Variants in AFF2 observed in about 807,000 individuals in gnomAD.
AFF2 encodes ALF transcription elongation factor 2.
In AFF2, 14 loss-of-function variants were observed where a neutral mutation model predicts 76.9. That is an observed-to-expected ratio of 0.18 (90% CI 0.12 to 0.28). The LOEUF is 0.28. Among genes scored for constraint, AFF2 ranks in the 10% least tolerant of loss-of-function variants. AFF2 has a pLI of 1.00. For synonymous variants in AFF2, 398 were observed against 366.7 expected, an observed-to-expected ratio of 1.09 and a Z score of -0.98; for missense variants, 868 against 1,001.1, an observed-to-expected ratio of 0.87 and a Z score of 1.79.
At chrX:148,667,314 T>A (rs782805257) in intron 3 of AFF2, among the ~76,000 whole-genome samples, 4 of 112,153 alleles carry the variant, frequency 3.6e-5, no homozygotes, top group Non-Finnish European at 5.6e-5. Flanking sequence ...GATAGTAAAC[T>A]CAGGTCCCTT....
intron 1 of AFF2, among the ~76,000 whole-genome samples, chrX:148,567,486 T>C (rs1387609379): frequency 9.0e-6 from 1 of 111,708 alleles, no homozygotes; most frequent in Non-Finnish European, 1.9e-5. Flanking sequence ...CAAGGGTTAT[T>C]TATGGTGACA....
At chrX:148,831,814 C>T (rs1023908570) in intron 4 of AFF2, among the ~76,000 whole-genome samples, 7 of 112,170 alleles carry the variant, frequency 6.2e-5, no homozygotes, top group Non-Finnish European at 9.4e-5. Flanking sequence ...TTTCTGGCTC[C>T]TCACAGAACT....
chrX:148,520,903 T>C (rs782512215), intron 1 of AFF2, among the ~76,000 whole-genome samples: 4 of 112,537 alleles, frequency 3.6e-5, no homozygotes, highest in Non-Finnish European at 7.5e-5. Context: ...TTGTTTATGC[T>C]TACAATTACA....
rs782742162 is a variant in AFF2 at position 148,977,975 on chromosome X, G to A, written c.3447G>A (p.Ser1149=). Residue 1149 remains serine, a synonymous_variant, in exon 17 of 21, where the codon TCG becomes TCA. Transcript: ENST00000370460. The part of the protein sequence containing the change: ...RLKNFASPLA[S]DGDKKLAVLC... Reference sequence around the variant, plus strand: ...AGAACTTTGCAAGTCCCTTGGCTTCGGATGGGGACAAAAAGCTAGCAGTAC... The same window carrying A: ...AGAACTTTGCAAGTCCCTTGGCTTCAGATGGGGACAAAAAGCTAGCAGTAC... The A allele has an allele frequency of 1.8e-5, 22 of 1,204,879 alleles. No individual in the cohort carries two copies. The Middle Eastern group carries it at 1.2e-3, about 63-fold the overall frequency.
At chrX:148,681,702 A>AGAAAGAAAACAAAGAAAGAAG in intron 3 of AFF2, among the ~76,000 whole-genome samples, 1 of 110,757 alleles carries the variant, frequency 9.0e-6, no homozygotes, top group South Asian at 3.8e-4. Context: ...AGAGAAAGAA[A>AGAAAGAAAACAAAGAAAGAAG]GAAAGAAAAC....
At position 148,797,632 on chromosome X, in the gene AFF2, C is replaced by T. The variant is rs138430434; in HGVS notation, c.1042-12244C>T. Among the ~76,000 whole-genome samples the T allele has an allele frequency of 5.9e-3, 657 of 111,923 alleles. 2 individuals are homozygous for T. Among genetic ancestry groups the T allele is most frequent in the African/African-American group, 0.02 (618 of 30,825 alleles). On this transcript the variant is annotated intron_variant, in intron 3 of 20. Coordinates refer to ENST00000370460, the MANE Select transcript of AFF2 (RefSeq NM_002025.4). ...CTGTCTTACTTCCTTGCTTGACCAC[C>T]AGATCCATGGACAGTTTTTCCTTTC...
intron 3 of AFF2, among the ~76,000 whole-genome samples, chrX:148,699,109 C>A (rs188577909): frequency 8.9e-6 from 1 of 111,909 alleles, no homozygotes; most frequent in South Asian, 3.7e-4. Context: ...GGAGTTTGTA[C>A]AGTAGCTGAC....
intron 16 of AFF2, among the ~76,000 whole-genome samples, chrX:148,977,519 T>G (rs1222211765): frequency 1.8e-5 from 2 of 109,892 alleles, no homozygotes; most frequent in Non-Finnish European, 3.8e-5. Flanking sequence ...TGTCATAAAC[T>G]GAACTGAAAC....
At chrX:148,776,226 A>G (rs1233537747) in intron 3 of AFF2, among the ~76,000 whole-genome samples, 2 of 112,049 alleles carry the variant, frequency 1.8e-5, no homozygotes, top group African/African-American at 6.5e-5. Flanking sequence ...TCCATGGTGT[A>G]TATGTACCAC....
intron 3 of AFF2, among the ~76,000 whole-genome samples, chrX:148,690,461 G>C (rs1395443100): frequency 8.9e-6 from 1 of 111,739 alleles, no homozygotes; most frequent in Non-Finnish European, 1.9e-5. Context: ...TAGGGAAATT[G>C]AGGCCCAAAG....
intron 2 of AFF2, among the ~76,000 whole-genome samples, chrX:148,653,556 A>T (rs1248636567): frequency 8.9e-6 from 1 of 112,104 alleles, no homozygotes; most frequent in Non-Finnish European, 1.9e-5. Context: ...AATCATTACA[A>T]ATATTTAAGT....
In AFF2 at chrX:148,529,939, G is replaced by C. The variant is rs1370417323; in HGVS notation, c.47+28795G>C. On this transcript the variant is annotated intron_variant, in intron 1 of 20. Transcript: ENST00000370460. ...AGTCAGGAGTTTCTGGAGGTGCCCT[G>C]TTGCCCATTTGAATCTTAGCTTAAC... 4.5e-5 allele frequency among the ~76,000 whole-genome samples: 5 copies of C among 112,052 alleles called. No homozygotes were observed. In the East Asian group the frequency reaches 1.4e-3, roughly 31 times the overall value.
intron 1 of AFF2, among the ~76,000 whole-genome samples, chrX:148,554,139 A>G (rs993686375): frequency 8.9e-6 from 1 of 112,574 alleles, no homozygotes; most frequent in Admixed American, 9.4e-5. Flanking sequence ...GGGATAATAC[A>G]CATATTTACC....
chrX:148,649,677 G>C (rs191107489), intron 1 of AFF2, among the ~76,000 whole-genome samples: 116 of 112,260 alleles, frequency 1.0e-3, no homozygotes, highest in African/African-American at 3.4e-3. Flanking sequence ...TCAAAGCCAG[G>C]GCTAAAGCAC....
intron 3 of AFF2, among the ~76,000 whole-genome samples, chrX:148,704,947 A>T (rs1557262287): frequency 9.0e-6 from 1 of 111,067 alleles, no homozygotes; most frequent in Non-Finnish European, 1.9e-5. Context: ...GATTAGAAGC[A>T]AGAGCTACCG....
At chrX:148,511,307 G>A (rs2157882) in intron 1 of AFF2, among the ~76,000 whole-genome samples, 1 of 111,205 alleles carries the variant, frequency 9.0e-6, no homozygotes, top group African/African-American at 3.3e-5. Flanking sequence ...CTTTCATCTA[G>A]TACAAAGGGG....
At chrX:148,530,113 C>T (rs1557235675) in intron 1 of AFF2, among the ~76,000 whole-genome samples, 3 of 111,470 alleles carry the variant, frequency 2.7e-5, no homozygotes, top group Non-Finnish European at 5.6e-5. Context: ...CCTGTGCCTA[C>T]TTCATGGGGA....
chrX:148,902,991 C>A lies in AFF2; in HGVS notation c.1360-1230C>A, dbSNP rs1011397638. On this transcript the variant is annotated intron_variant, in intron 8 of 20. Coordinates refer to ENST00000370460, the MANE Select transcript of AFF2 (RefSeq NM_002025.4). ...GAGGTCTTCAGTATGTTGAATATCACTTGTCACCGAGAATGTCAAGTCCAG... is the reference window on the plus strand; with the variant it reads ...GAGGTCTTCAGTATGTTGAATATCAATTGTCACCGAGAATGTCAAGTCCAG... Among the ~76,000 whole-genome samples, 7 of 110,744 alleles carry A rather than the reference C, an allele frequency of 6.3e-5. No homozygotes were observed. The Admixed American group carries it at 6.7e-4, about 11-fold the overall frequency.
At chrX:148,743,387 A>G (rs2055383874) in intron 3 of AFF2, among the ~76,000 whole-genome samples, 2 of 112,419 alleles carry the variant, frequency 1.8e-5, no homozygotes, top group East Asian at 2.8e-4. Flanking sequence ...GAAAATTGCA[A>G]TGCCTGCAAG....
Sources: allele counts gnomAD v4.1 joint callset (sites outside exome capture counted in the v4.1 genomes callset), GRCh38; gene constraint gnomAD v4.1.1; transcripts MANE v1.5; gene names NCBI Gene and HGNC (gene_info 2026-07-23, HGNC 2026-07-21).